The following TAOK3 variants were observed in gnomAD, a reference collection of about 807,000 sequenced individuals.
TAOK3 encodes serine/threonine-protein kinase TAO3.
Under a neutral mutation model 120.4 loss-of-function variants are expected in TAOK3, and 40 were observed. The observed-to-expected ratio is 0.33, with a 90% confidence interval of 0.26 to 0.43. The LOEUF is 0.43. Among genes scored for constraint, TAOK3 ranks in the 20% least tolerant of loss-of-function variants. TAOK3 has a pLI of 1.00. For synonymous variants in TAOK3, 355 were observed against 387.5 expected (o/e 0.92, Z 0.99); for missense variants, 821 against 1,112.1 (o/e 0.74, Z 3.72).
chr12:118,157,385 C>G (rs1444981623), intron 19 of TAOK3, among the ~76,000 whole-genome samples: 1 of 152,196 alleles, frequency 6.6e-6, no homozygotes, highest in Non-Finnish European at 1.5e-5. Context: ...CTTAACAAAG[C>G]CTGAAAGCCC....
At chr12:118,274,748 T>C (rs1208375437) in intron 1 of TAOK3, among the ~76,000 whole-genome samples, 1 of 152,040 alleles carries the variant, frequency 6.6e-6, no homozygotes, top group East Asian at 1.9e-4. Context: ...CGTGCCTCAA[T>C]GTCCCAAGTA....
chr12:118,195,761 CT>C (rs2037685558), intron 13 of TAOK3, among the ~76,000 whole-genome samples: 1 of 152,036 alleles, frequency 6.6e-6, no homozygotes, highest in Non-Finnish European at 1.5e-5. Context: ...AAAAAGAAGA[CT>C]GGATTGGGCC....
intron 1 of TAOK3, among the ~76,000 whole-genome samples, chr12:118,319,853 C>A (rs976103486): frequency 5.3e-5 from 8 of 151,986 alleles, no homozygotes; most frequent in African/African-American, 1.9e-4. Flanking sequence ...AGTTATATAC[C>A]CCAAAGAATT....
intron 11 of TAOK3, among the ~76,000 whole-genome samples, chr12:118,201,969 C>T (rs2038045758): frequency 6.6e-6 from 1 of 151,936 alleles, no homozygotes; most frequent in African/African-American, 2.4e-5. Context: ...TTCCATTCCC[C>T]ATCCCTTTCA....
chr12:118,328,321 T>G (rs897250297), intron 1 of TAOK3, among the ~76,000 whole-genome samples: 2 of 152,146 alleles, frequency 1.3e-5, no homozygotes, highest in Non-Finnish European at 2.9e-5. Context: ...CCCAAAGTGT[T>G]GGGATTACAG....
intron 1 of TAOK3, among the ~76,000 whole-genome samples, chr12:118,330,574 T>C (rs928530385): frequency 6.6e-6 from 1 of 151,448 alleles, no homozygotes; most frequent in African/African-American, 2.4e-5. Context: ...GAGGAAACTA[T>C]CACAAAGAGG....
chr12:118,322,935 C>T (rs2043784395), intron 1 of TAOK3, among the ~76,000 whole-genome samples: 2 of 151,830 alleles, frequency 1.3e-5, no homozygotes, highest in African/African-American at 4.8e-5. Flanking sequence ...TGGTCTTGAA[C>T]TCTTGACCTC....
Position 118,280,252 on chromosome 12 carries a change from C to A in TAOK3, c.-193-13493G>T, listed in dbSNP as rs577965875. Among the ~76,000 whole-genome samples, 68 of 151,988 alleles carry A rather than the reference C, an allele frequency of 4.5e-4. 1 individual carries two copies. The highest frequency in any genetic ancestry group is 7.6e-4 in the Non-Finnish European group (52 of 67,980). On this transcript the variant is annotated intron_variant, in intron 1 of 20. Transcript: ENST00000392533. ...ATTTTTGTATTTTTAGTAGAGACAGCGTTTTGCCACAGTGGCCATGCTGGT... is the reference window on the plus strand; with the variant it reads ...ATTTTTGTATTTTTAGTAGAGACAGAGTTTTGCCACAGTGGCCATGCTGGT...
intron 1 of TAOK3, among the ~76,000 whole-genome samples, chr12:118,300,334 C>T (rs901214527): frequency 6.6e-6 from 1 of 152,152 alleles, no homozygotes; most frequent in African/African-American, 2.4e-5. Context: ...TGGCAGGCAT[C>T]GCACTGAATT....
In TAOK3 at chr12:118,246,591, TG is replaced by T; in HGVS notation, c.121-1627del. 7 of 1,573,408 alleles carry T rather than the reference TG, an allele frequency of 4.4e-6. No homozygotes were observed. In the South Asian group the frequency reaches 5.7e-5, roughly 13 times the overall value. On this transcript the variant is annotated intron_variant, in intron 3 of 20. Transcript: ENST00000392533. ...CATTGTCCCCGTGCGCAGAGGCTACTGGGGGAACAAGATCGGCAAGCCCCAC... is the reference window on the plus strand; with the variant it reads ...CATTGTCCCCGTGCGCAGAGGCTACTGGGGAACAAGATCGGCAAGCCCCAC...
At chr12:118,154,564 C>T (rs1160212324) in intron 19 of TAOK3, among the ~76,000 whole-genome samples, 1 of 151,712 alleles carries the variant, frequency 6.6e-6, no homozygotes, top group Non-Finnish European at 1.5e-5. Context: ...CTCATCCTCC[C>T]GAGTAGCTGA....
intron 1 of TAOK3, among the ~76,000 whole-genome samples, chr12:118,343,389 T>C (rs1051948734): frequency 6.7e-6 from 1 of 148,486 alleles, no homozygotes; most frequent in African/African-American, 2.5e-5. Context: ...ATTGTGCCAT[T>C]GCACTCCAGC....
At chr12:118,285,325 G>A (rs901750774) in intron 1 of TAOK3, among the ~76,000 whole-genome samples, 2 of 151,984 alleles carry the variant, frequency 1.3e-5, no homozygotes, top group Admixed American at 6.6e-5. Flanking sequence ...TTACAGGCGT[G>A]AGCCACTGTG....
At chr12:118,316,999 C>T (rs533604017) in intron 1 of TAOK3, among the ~76,000 whole-genome samples, 1 of 152,182 alleles carries the variant, frequency 6.6e-6, no homozygotes, top group Non-Finnish European at 1.5e-5. Flanking sequence ...CACGGTGGCT[C>T]ACGCCTGTAA....
intron 1 of TAOK3, among the ~76,000 whole-genome samples, chr12:118,320,724 C>T (rs116829789): frequency 4.3e-4 from 65 of 152,180 alleles, no homozygotes; most frequent in African/African-American, 1.5e-3. Flanking sequence ...GCTGTTTAAA[C>T]TAAAAGAGAC....
intron 19 of TAOK3, among the ~76,000 whole-genome samples, chr12:118,158,262 CCTCT>C (rs1403458416): frequency 6.6e-6 from 1 of 152,194 alleles, no homozygotes; most frequent in Non-Finnish European, 1.5e-5. Flanking sequence ...TTAGTTCTTT[CCTCT>C]CTAAGAATAC....
chr12:118,325,960 G>A (rs115712901), intron 1 of TAOK3, among the ~76,000 whole-genome samples: 3,400 of 152,228 alleles, frequency 0.022, 97 homozygotes, highest in East Asian at 0.066. Flanking sequence ...CACAACAAGC[G>A]TGAGCCACAG....
intron 12 of TAOK3, 78 bp downstream of exon 12, chr12:118,201,218 T>C: frequency 7.4e-7 from 1 of 1,349,538 alleles, no homozygotes; most frequent in Middle Eastern, 2.7e-4. Flanking sequence ...TCTTCAAAAG[T>C]TTTTCATAGT....
chr12:118,245,670 T>C (rs2040461168), intron 3 of TAOK3, among the ~76,000 whole-genome samples: 1 of 152,210 alleles, frequency 6.6e-6, no homozygotes, highest in African/African-American at 2.4e-5. Flanking sequence ...AGTTCAAAGA[T>C]GCTTCACTTT....
Sources: gnomAD v4.1 joint callset for allele counts (sites outside exome capture counted in the v4.1 genomes callset) on GRCh38, gnomAD v4.1.1 for gene constraint, MANE v1.5 for transcripts, NCBI Gene and HGNC (gene_info 2026-07-23, HGNC 2026-07-21) for gene names.